The following DNASE1 variants were observed in gnomAD, a reference collection of about 807,000 sequenced individuals.
DNASE1 encodes the protein deoxyribonuclease 1.
Under a neutral mutation model 33.9 loss-of-function variants are expected in DNASE1, and 40 were observed. The ratio of observed to expected loss-of-function variants is 1.18; its 90% CI spans 0.92 to 1.54. DNASE1 has a LOEUF of 1.54. Among genes scored for constraint, DNASE1 ranks in the 40% most tolerant of loss-of-function variants. DNASE1 has a pLI of 0.00. For synonymous variants in DNASE1, 216 were observed against 160.0 expected, an observed-to-expected ratio of 1.35 and a Z score of -2.64; for missense variants, 518 against 372.6, an observed-to-expected ratio of 1.39 and a Z score of -3.21.
downstream of DNASE1, chr16:3,661,152 T>TA (rs1418229401): frequency 6.6e-6 from 1 of 152,092 alleles, no homozygotes; most frequent in African/African-American, 2.4e-5. Context: ...CATCAAAGAA[T>TA]AATTCTTTAA....
chr16:3,655,339 T>C (rs1414101813), intron 1 of DNASE1, 34 bp from the exon 2 acceptor site: 1 of 1,613,430 alleles, frequency 6.2e-7, no homozygotes, highest in Admixed American at 1.7e-5. Context: ...GACGTCTCAC[T>C]TCTGTTATGT....
intron 1 of DNASE1, among the ~76,000 whole-genome samples, chr16:3,617,213 C>G (rs1373091697): frequency 1.3e-5 from 2 of 151,192 alleles, no homozygotes; most frequent in Admixed American, 6.6e-5. Context: ...GTAATCCCAG[C>G]TACTCGGGAG....
At chr16:3,624,539 A>G (rs2041437861) in intron 1 of DNASE1, among the ~76,000 whole-genome samples, 1 of 152,200 alleles carries the variant, frequency 6.6e-6, no homozygotes, top group African/African-American at 2.4e-5. Context: ...CCCTGAATCT[A>G]GCAGCCACTG....
chr16:3,656,531 G>C, intron 4 of DNASE1, 107 bp from the exon 5 acceptor site: 1 of 807,360 alleles, frequency 1.2e-6, no homozygotes, highest in Non-Finnish European at 2.1e-6. Flanking sequence ...CAGGTGCCTG[G>C]CTCCCCCGCC....
At chr16:3,660,462 G>C (rs898444414), downstream of DNASE1, 2 of 151,766 alleles carry the variant, frequency 1.3e-5, no homozygotes, top group African/African-American at 2.4e-5. Flanking sequence ...GACAGAGCAA[G>C]ACCCTGTCTC....
rs188896299 is a variant in DNASE1, at chr16:3,647,548, A to G, written c.-86+4512A>G. ...TGTGGCCTGCCAAAGTGCTGGGATT[A>G]CAGGCATGAGGCACCACACGCAGCC... On this transcript the variant is annotated intron_variant, in intron 1 of 9. Transcript: ENST00000407479. Among the ~76,000 whole-genome samples, 29 of 152,282 alleles carry G rather than the reference A, an allele frequency of 1.9e-4. No homozygotes were observed. The East Asian group carries it at 5.0e-3, about 26-fold the overall frequency.
At position 3,626,963 on chromosome 16, in the gene DNASE1, C is replaced by A. The variant is rs147942001; in HGVS notation, c.-1358-13752C>A. 2.5e-4 allele frequency among the ~76,000 whole-genome samples: 38 copies of A among 151,744 alleles called. No homozygotes were observed. In the East Asian group the frequency reaches 7.4e-3, roughly 30 times the overall value. ...CAAAACTCACTGCAGCTTTGAACTC[C>A]TGAGCTCCAGTGATTCTCCTGCCTC... On this transcript the variant is annotated intron_variant and NMD_transcript_variant, in intron 1 of 11. Coordinates refer to the DNASE1 transcript ENST00000570769.
chr16:3,655,108 GTC>G lies in DNASE1; in HGVS notation c.-2+67_-2+68del. Reference sequence around the variant, plus strand: ...TTTGGAGCAGGGAGGGAGGCTTAGAGTCTCATCCTCCAGCAGCGAGTGAGGCG... The same window carrying G: ...TTTGGAGCAGGGAGGGAGGCTTAGAGTCATCCTCCAGCAGCGAGTGAGGCG... On this transcript the variant is annotated intron_variant, in intron 1 of 8. Transcript: ENST00000246949. The G allele has an allele frequency of 5.0e-6, 3 of 598,028 alleles. No homozygotes were observed. In the South Asian group the frequency reaches 6.1e-5, roughly 12 times the overall value. The allele number at this position is 598,028 out of a possible 1,614,324, so 37.0% of individuals were successfully genotyped here.
chr16:3,660,744 A>G (rs1382340589), downstream of DNASE1: 2 of 152,214 alleles, frequency 1.3e-5, no homozygotes, highest in Non-Finnish European at 2.9e-5. Context: ...AAAGAAAAAA[A>G]CTAGACATGT....
intron 1 of DNASE1, among the ~76,000 whole-genome samples, chr16:3,619,289 G>A (rs1177061918): frequency 1.3e-5 from 2 of 152,146 alleles, no homozygotes; most frequent in Non-Finnish European, 2.9e-5. Context: ...GCCCACCTTG[G>A]CCTCCCAAAG....
intron 1 of DNASE1, among the ~76,000 whole-genome samples, chr16:3,630,265 C>T (rs910974870): frequency 6.6e-6 from 1 of 151,884 alleles, no homozygotes. Flanking sequence ...GCTGCAGCCT[C>T]GACCTCCCAG....
At position 3,657,721 on chromosome 16, in the gene DNASE1, A is replaced by T. The variant is rs1407731059; in HGVS notation, c.706A>T (p.Ile236Phe). 6.2e-7 allele frequency: 1 copy of T among 1,613,832 alleles called. No homozygotes were observed. The highest frequency in any genetic ancestry group is 2.2e-5 in the East Asian group (1 of 44,894). The change falls in exon 8 of 9, where the codon ATC (isoleucine) becomes TTC (phenylalanine). Residue 236 changes from isoleucine to phenylalanine, a missense_variant and splice_region_variant. Coordinates refer to ENST00000246949, the MANE Select transcript of DNASE1 (RefSeq NM_005223.4). ...CTTTCTCTTCCCAACACCCATCAGG[A>T]TCGTGGTTGCAGGGATGCTGCTCCG... ...ATPTHCAYDR[I>F]VVAGMLLRGA...
downstream of DNASE1, chr16:3,658,860 G>C (rs147353660): frequency 9.9e-6 from 16 of 1,613,896 alleles, no homozygotes; most frequent in Non-Finnish European, 1.3e-5. Context: ...CTTGATGAGC[G>C]CGTGCCTGCA....
At chr16:3,663,204 G>C (rs558680165) in exon 10 of DNASE1, 1 of 691,498 alleles carries the variant, frequency 1.4e-6, no homozygotes, top group South Asian at 2.0e-5. Context: ...AGCTGGGCCA[G>C]CTCCAGAAGC....
At chr16:3,613,907 A>C (rs2040999944) in intron 1 of DNASE1, among the ~76,000 whole-genome samples, 1 of 126,424 alleles carries the variant, frequency 7.9e-6, no homozygotes, top group Non-Finnish European at 1.6e-5. Flanking sequence ...GCGCCTGGCT[A>C]ATTTTTTTTT....
At chr16:3,638,011 G>A (rs1402563938), upstream of DNASE1, among the ~76,000 whole-genome samples, 1 of 152,032 alleles carries the variant, frequency 6.6e-6, no homozygotes, top group Non-Finnish European at 1.5e-5. Flanking sequence ...CTAAGCTCCT[G>A]ACATGCCTCA....
rs769538921 is a variant in DNASE1, at chr16:3,656,226, G to C, written c.320+41G>C. ...AGCCAGGAAGCCCCTCCCTCACCTG[G>C]GAGGGCCCCAACAGAGCAGGGAAGT... On this transcript the variant is annotated intron_variant, in intron 4 of 8. Coordinates refer to ENST00000246949, the MANE Select transcript of DNASE1 (RefSeq NM_005223.4). 1.9e-5 allele frequency: 31 copies of C among 1,593,212 alleles called. No homozygotes were observed. In the African/African-American group the frequency reaches 4.0e-4, roughly 21 times the overall value.
downstream of DNASE1, chr16:3,661,902 T>C: frequency 5.4e-6 from 8 of 1,473,258 alleles, no homozygotes; most frequent in Non-Finnish European, 7.2e-6. Flanking sequence ...ACTTTTCTTC[T>C]GTGTCACATT....
downstream of DNASE1, chr16:3,660,689 C>G (rs528799501): frequency 2.0e-5 from 3 of 152,144 alleles, no homozygotes; most frequent in Non-Finnish European, 2.9e-5. Flanking sequence ...GATGCATCTC[C>G]CTCGCCTCCA....
Sources: allele counts gnomAD v4.1 joint callset (sites outside exome capture counted in the v4.1 genomes callset), GRCh38; gene constraint gnomAD v4.1.1; transcripts MANE v1.5; gene names NCBI Gene and HGNC (gene_info 2026-07-23, HGNC 2026-07-21).